The following RASA3 variants were observed in gnomAD, a reference collection of about 807,000 sequenced individuals.
The protein encoded by RASA3 is RAS p21 protein activator 3, also known as ras GTPase-activating protein 3.
Under a neutral mutation model 110.0 loss-of-function variants are expected in RASA3, and 73 were observed. The ratio of observed to expected loss-of-function variants is 0.66; its 90% CI spans 0.55 to 0.81. The LOEUF (loss-of-function observed/expected upper bound fraction) is 0.81. Among genes scored for constraint, RASA3 ranks in the 30% least tolerant of loss-of-function variants. The pLI is 0.00. For missense variants in RASA3, 976 were observed against 1,113.2 expected (o/e 0.88, Z 1.75); for synonymous variants, 500 against 451.4 (o/e 1.11, Z -1.37).
intron 2 of RASA3, among the ~76,000 whole-genome samples, chr13:114,052,716 TC>T (rs1255637977): frequency 4.0e-5 from 6 of 150,352 alleles, no homozygotes; most frequent in African/African-American, 1.2e-4. Context: ...CTTAGAGTCC[TC>T]GCTCCTGGGG....
intron 9 of RASA3, among the ~76,000 whole-genome samples, chr13:114,019,392 T>G (rs568211067): frequency 9.8e-5 from 15 of 152,356 alleles, no homozygotes; most frequent in African/African-American, 3.4e-4. Flanking sequence ...TGCCCGGACA[T>G]TCTTCCATCT....
At chr13:114,132,308 G>T in intron 1 of RASA3, 127 bp downstream of exon 1, 1 of 1,022,746 alleles carries the variant, frequency 9.8e-7, no homozygotes, top group Non-Finnish European at 1.3e-6. Context: ...GTTCTCCGGG[G>T]AGCGCGCCGC....
chr13:114,013,741 G>T (rs139424066), intron 14 of RASA3, among the ~76,000 whole-genome samples: 17 of 93,534 alleles, frequency 1.8e-4, no homozygotes, highest in Non-Finnish European at 2.4e-4. Flanking sequence ...TCTGTCTCTG[G>T]CTCTCTCTCT....
rs556492258 is a variant in RASA3, at chr13:114,101,148, A to G, written c.56-27311T>C. 3.9e-5 allele frequency among the ~76,000 whole-genome samples: 6 copies of G among 152,292 alleles called. No homozygotes were observed. The East Asian group carries it at 7.7e-4, about 20-fold the overall frequency. ...GTTCTGCAGGCCTGTGTCCCGGCCA[A>G]CGGCAGCCACCAAACCTCTCTGCAC... is the stretch of plus-strand genomic sequence containing the variant. On this transcript the variant is annotated intron_variant, in intron 1 of 23. Coordinates refer to ENST00000334062, the MANE Select transcript of RASA3 (RefSeq NM_007368.4).
At chr13:114,030,424 ACAGAGGGCAAGGCTCAC>A (rs2054131025) in intron 4 of RASA3, among the ~76,000 whole-genome samples, 1 of 67,602 alleles carries the variant, frequency 1.5e-5, no homozygotes, top group African/African-American at 4.5e-5. Context: ...CAAGACTCAC[ACAGAGGGCAAGGCTCAC>A]ACAGAGGGCA....
intron 1 of RASA3, among the ~76,000 whole-genome samples, chr13:114,100,006 G>T (rs1422152074): frequency 7.8e-6 from 1 of 128,166 alleles, no homozygotes; most frequent in Admixed American, 7.9e-5. Context: ...TAACTCTAAT[G>T]CTGTTTAAAA....
chr13:114,027,060 T>C (rs1439755237), intron 7 of RASA3, among the ~76,000 whole-genome samples: 1 of 152,236 alleles, frequency 6.6e-6, no homozygotes, highest in Non-Finnish European at 1.5e-5. Context: ...TTGGAAAGCA[T>C]TAATCTGTCA....
At chr13:114,017,614 G>A (rs2053823049) in intron 11 of RASA3, among the ~76,000 whole-genome samples, 1 of 152,242 alleles carries the variant, frequency 6.6e-6, no homozygotes, top group South Asian at 2.1e-4. Context: ...GCTGGCCTTC[G>A]CCCTCCCGCC....
At chr13:113,980,381 GCCT>G (rs1170392538) in intron 23 of RASA3, among the ~76,000 whole-genome samples, 15 of 120,524 alleles carry the variant, frequency 1.2e-4, no homozygotes, top group Middle Eastern at 8.8e-3. Flanking sequence ...CCGTGTGTGT[GCCT>G]CCTCCCACGT....
chr13:113,997,792 C>T (rs1313031111), intron 20 of RASA3, among the ~76,000 whole-genome samples: 3 of 152,118 alleles, frequency 2.0e-5, no homozygotes, highest in African/African-American at 4.8e-5. Flanking sequence ...CTCTAGGGGA[C>T]GGGCCTTCTG....
intron 1 of RASA3, among the ~76,000 whole-genome samples, chr13:114,120,560 C>G (rs150946875): frequency 0.014 from 1,749 of 122,014 alleles, 160 homozygotes; most frequent in Admixed American, 0.1. Flanking sequence ...AGCCAGGCGT[C>G]GATCAGGGCC....
Position 113,981,783 on chromosome 13 carries a change from T to C in RASA3, c.2321A>G (p.Gln774Arg), listed in dbSNP as rs145099620. 389 of 1,613,898 alleles carry C rather than the reference T, an allele frequency of 2.4e-4. No homozygotes were observed. The highest frequency in any genetic ancestry group is 3.1e-4 in the Non-Finnish European group (365 of 1,179,988). The change falls in exon 23 of 24, where the codon CAG becomes CGG. Residue 774 changes from glutamine (Q) to arginine (R), a missense_variant. Coordinates refer to ENST00000334062, the MANE Select transcript of RASA3 (RefSeq NM_007368.4). ...TTGCTTTAGCGTCTTGTAGGTCTCC[T>C]GGGGGTCGTCAATGACGAACGTCGA... ...EYSTFVIDDP[Q>R]ETYKTLKQVI...
chr13:114,034,528 T>C (rs899258108), intron 4 of RASA3, among the ~76,000 whole-genome samples: 5 of 152,214 alleles, frequency 3.3e-5, no homozygotes, highest in Non-Finnish European at 7.3e-5. Flanking sequence ...CTGAGGCTGC[T>C]CCTGTTCCTG....
At position 113,978,375 on chromosome 13, in the gene RASA3, T is replaced by C. The variant is rs1395395722; in HGVS notation, c.*972A>G. ...GCTGGCCTTCCTGAGACAGGCTCCATTCCTGTTCCATTTGCCTTCCCGGCA... is the reference window on the plus strand; with the variant it reads ...GCTGGCCTTCCTGAGACAGGCTCCACTCCTGTTCCATTTGCCTTCCCGGCA... On this transcript the variant is annotated 3_prime_UTR_variant, in exon 24 of 24. Coordinates refer to ENST00000334062, the MANE Select transcript of RASA3 (RefSeq NM_007368.4). 6.6e-6 allele frequency: 1 copy of C among 152,258 alleles called. No homozygotes were observed. Among genetic ancestry groups the C allele is most frequent in the East Asian group, 1.9e-4 (1 of 5,206 alleles). 9.4% of individuals were successfully genotyped at this position (152,258 alleles called of 1,614,324 possible). A position where few individuals can be genotyped will look rare whatever the true frequency, so the allele number is the denominator to read the frequency against.
rs982460456 is a variant in RASA3, at chr13:114,096,271, C to A, written c.56-22434G>T. On this transcript the variant is annotated intron_variant, in intron 1 of 23. Transcript: ENST00000334062. This position sits in a 1 kb window ranked among gnomAD's most constrained non-coding sequence, Gnocchi z 5.1. ...CCACGTTCTCGAAAATGCAGGGTGA[C>A]CCTGGCGCAGGATCGGGTCTGAGAG... Among the ~76,000 whole-genome samples, 1 of 152,186 alleles carries A rather than the reference C, an allele frequency of 6.6e-6. No homozygotes were observed. Among genetic ancestry groups the A allele is most frequent in the Non-Finnish European group, 1.5e-5 (1 of 68,028 alleles).
rs778214799 is a variant in RASA3 at position 114,108,259 on chromosome 13, A to G, written c.55+24176T>C. ...TGTCACCCCATGTCTGTCACCCTGCATCCGTCACCCCGTGTCTGTCATCCC... is the reference window on the plus strand; with the variant it reads ...TGTCACCCCATGTCTGTCACCCTGCGTCCGTCACCCCGTGTCTGTCATCCC... On this transcript the variant is annotated intron_variant, in intron 1 of 23. Transcript: ENST00000334062. 3.9e-4 allele frequency among the ~76,000 whole-genome samples: 47 copies of G among 119,576 alleles called. No homozygotes were observed. The South Asian group carries it at 7.6e-3, about 19-fold the overall frequency. The allele number at this position is 119,576 out of a possible 152,430, so 78.4% of individuals were successfully genotyped here. A position where few individuals can be genotyped will look rare whatever the true frequency, so the allele number is the denominator to read the frequency against.
At chr13:114,063,724 C>T (rs1299233002) in intron 2 of RASA3, among the ~76,000 whole-genome samples, 5 of 152,208 alleles carry the variant, frequency 3.3e-5, no homozygotes, top group South Asian at 2.1e-4. Flanking sequence ...TGATTGTCCC[C>T]GTGGGATAAA....
Position 114,048,207 on chromosome 13 carries a change from C to T in RASA3, c.277+3845G>A, listed in dbSNP as rs139137105. ...GCGGGCGCCTGTAGTCCCAGCTACT[C>T]GGGAAGCTGAGGCAGGAGAATGGCG... On this transcript the variant is annotated intron_variant, in intron 3 of 23. Transcript: ENST00000334062. The surrounding 1 kb of genome is among the most constrained non-coding windows in gnomAD (Gnocchi z 4.3). Among the ~76,000 whole-genome samples, 2,235 of 151,106 alleles carry T rather than the reference C, an allele frequency of 0.015. 135 individuals carry two copies. Among genetic ancestry groups the T allele is most frequent in the Admixed American group, 0.1 (1,566 of 15,184 alleles).
intron 1 of RASA3, 21 bp downstream of exon 1, chr13:114,132,414 T>C: frequency 1.3e-6 from 2 of 1,511,058 alleles, no homozygotes; most frequent in Non-Finnish European, 1.8e-6. Context: ...GTCGGACGCG[T>C]GGCTGCCGGC....
Sources: allele counts gnomAD v4.1 joint callset (sites outside exome capture counted in the v4.1 genomes callset), GRCh38; gene constraint gnomAD v4.1.1; non-coding constraint Gnocchi (gnomAD v3.1); transcripts MANE v1.5; gene names NCBI Gene and HGNC (gene_info 2026-07-23, HGNC 2026-07-21).